Variants in BAZ1A observed in about 807,000 individuals in gnomAD.
BAZ1A encodes bromodomain adjacent to zinc finger domain protein 1A.
A neutral mutation model predicts 185.2 loss-of-function variants in BAZ1A; 50 were observed. The ratio of observed to expected loss-of-function variants is 0.27; its 90% CI spans 0.22 to 0.34. BAZ1A has a LOEUF of 0.34. Ranked by LOEUF, BAZ1A falls within the 10% of genes least tolerant of loss-of-function variation. BAZ1A has a pLI of 1.00. For synonymous variants in BAZ1A, 571 were observed against 615.6 expected (o/e 0.93, Z 1.07); for missense variants, 1,356 against 1,839.9 (o/e 0.74, Z 4.81).
At chr14:34,832,215 C>CATATATATATATATAT (rs796421959) in intron 3 of BAZ1A, among the ~76,000 whole-genome samples, 37 of 89,664 alleles carry the variant, frequency 4.1e-4, no homozygotes, top group South Asian at 2.0e-3. Context: ...CACACACACA[C>CATATATATATATATAT]ATATATATAT....
chr14:34,843,288 G>A (rs2042446543), intron 3 of BAZ1A, among the ~76,000 whole-genome samples: 1 of 152,128 alleles, frequency 6.6e-6, no homozygotes, highest in Non-Finnish European at 1.5e-5. Flanking sequence ...CATTAACTCT[G>A]GATTTACTCA....
rs144465522 is a variant in BAZ1A, at chr14:34,805,498, C to T, written c.726+1953G>A. Among the ~76,000 whole-genome samples, 169 of 152,280 alleles carry T rather than the reference C, an allele frequency of 1.1e-3. 1 individual carries two copies. Among genetic ancestry groups the T allele is most frequent in the African/African-American group, 3.9e-3 (162 of 41,544 alleles). On this transcript the variant is annotated intron_variant, in intron 6 of 26. Coordinates refer to ENST00000360310, the MANE Select transcript of BAZ1A (RefSeq NM_013448.3). ...GAGGAATTGGCCAACTGGGTGTTTACAATATACATATACAACTATTCACAT... is the reference window on the plus strand; with the variant it reads ...GAGGAATTGGCCAACTGGGTGTTTATAATATACATATACAACTATTCACAT...
At chr14:34,799,150 C>T (rs960463027) in intron 9 of BAZ1A, among the ~76,000 whole-genome samples, 6 of 146,196 alleles carry the variant, frequency 4.1e-5, no homozygotes, top group African/African-American at 7.6e-5. Flanking sequence ...AACCAAACAC[C>T]GCATGTTCTC....
chr14:34,805,497 A>C (rs1881805604), intron 6 of BAZ1A, among the ~76,000 whole-genome samples: 2 of 152,224 alleles, frequency 1.3e-5, no homozygotes, highest in South Asian at 4.1e-4. Context: ...CTGGGTGTTT[A>C]CAATATACAT....
intron 3 of BAZ1A, among the ~76,000 whole-genome samples, chr14:34,842,926 G>T (rs56996825): frequency 0.55 from 82,845 of 151,630 alleles, 22,899 homozygotes; most frequent in South Asian, 0.62. Context: ...AAGCCCTAGG[G>T]CTCATTCACA....
At chr14:34,825,700 G>T (rs901140722) in intron 4 of BAZ1A, among the ~76,000 whole-genome samples, 2 of 152,064 alleles carry the variant, frequency 1.3e-5, no homozygotes, top group Non-Finnish European at 2.9e-5. Context: ...CACTTTGAGG[G>T]GCCGAGGCAG....
rs377305927 is a variant in BAZ1A, at chr14:34,776,119, T to G, written c.2633A>C (p.His878Pro). The G allele has an allele frequency of 6.2e-7, 1 of 1,614,220 alleles. No homozygotes were observed. The highest frequency in any genetic ancestry group is 2.2e-5 in the East Asian group (1 of 44,894). ...CACTGGTTTTGGCAGCTGCACAGAA[T>G]GGTCACGTGGACCTTGGTCAATGTT... ...TSNIDQGPRD[H>P]SVQLPKPVHK... The change falls in exon 18 of 27, where the codon CAT becomes CCT. Residue 878 changes from histidine to proline, a missense_variant. By Grantham distance (77) the His-to-Pro change is moderately conservative. This residue lies in a region of BAZ1A where 434 missense variants were observed against 561.7 expected (regional missense o/e 0.77). Transcript: ENST00000360310.
chr14:34,758,455 C>T (rs999024434), intron 25 of BAZ1A: 25 of 357,716 alleles, frequency 7.0e-5, no homozygotes, highest in Non-Finnish European at 1.1e-4. Context: ...TGGTGTGTGC[C>T]TGTAATCCCA....
At chr14:34,757,083 G>A (rs911555634) in intron 25 of BAZ1A, among the ~76,000 whole-genome samples, 1 of 152,166 alleles carries the variant, frequency 6.6e-6, no homozygotes, top group Non-Finnish European at 1.5e-5. Flanking sequence ...AATCAGTCAT[G>A]GCTGGGCACG....
intron 12 of BAZ1A, among the ~76,000 whole-genome samples, chr14:34,788,046 T>A (rs530562681): frequency 6.7e-6 from 1 of 150,102 alleles, no homozygotes. Flanking sequence ...GAAGATGGAG[T>A]CTCACTCTGT....
At chr14:34,820,653 A>G (rs1435525038) in intron 4 of BAZ1A, among the ~76,000 whole-genome samples, 1 of 152,200 alleles carries the variant, frequency 6.6e-6, no homozygotes, top group East Asian at 1.9e-4. Flanking sequence ...TTATCACCAT[A>G]TCCAAGGTCA....
intron 3 of BAZ1A, among the ~76,000 whole-genome samples, chr14:34,848,253 A>G (rs143944738): frequency 2.6e-4 from 40 of 152,332 alleles, no homozygotes; most frequent in Non-Finnish European, 4.0e-4. Flanking sequence ...CTGAATAGTT[A>G]AGAGCCCTAA....
At chr14:34,862,733 T>C (rs1371713413) in intron 2 of BAZ1A, among the ~76,000 whole-genome samples, 1 of 151,626 alleles carries the variant, frequency 6.6e-6, no homozygotes, top group Non-Finnish European at 1.5e-5. Context: ...TATTTTCAGT[T>C]TGATCTCTCC....
chr14:34,765,756 C>T (rs1878797740), intron 21 of BAZ1A, among the ~76,000 whole-genome samples: 1 of 152,024 alleles, frequency 6.6e-6, no homozygotes, highest in African/African-American at 2.4e-5. Flanking sequence ...GATTTTTCAG[C>T]ACTAATATTT....
At chr14:34,870,406 T>G (rs1594921990) in intron 2 of BAZ1A, among the ~76,000 whole-genome samples, 1 of 152,326 alleles carries the variant, frequency 6.6e-6, no homozygotes, top group Non-Finnish European at 1.5e-5. Flanking sequence ...GAAAACCCCA[T>G]GCTCACCAAA....
chr14:34,815,860 GATAT>G (rs574628014), intron 4 of BAZ1A, among the ~76,000 whole-genome samples: 1 of 151,942 alleles, frequency 6.6e-6, no homozygotes, highest in Non-Finnish European at 1.5e-5. Flanking sequence ...AGGCACAGGA[GATAT>G]ATATATGTAT....
intron 3 of BAZ1A, among the ~76,000 whole-genome samples, chr14:34,831,208 TC>T (rs2042237809): frequency 6.6e-6 from 1 of 152,184 alleles, no homozygotes; most frequent in Admixed American, 6.5e-5. Context: ...ACTTTATTCT[TC>T]CCATGTTCTA....
Position 34,765,409 on chromosome 14 carries a change from T to C in BAZ1A, c.3302-141A>G, listed in dbSNP as rs189951617. ...ACTTAACAAAAAGACCATGCTGATA[T>C]TAAAAACAAAAATCTCATGGAAAAT... On this transcript the variant is annotated intron_variant, in intron 21 of 26. Coordinates refer to ENST00000360310, the MANE Select transcript of BAZ1A (RefSeq NM_013448.3). 4.0e-4 allele frequency: 419 copies of C among 1,045,686 alleles called. 6 individuals carry two copies. In the South Asian group the frequency reaches 7.0e-3, roughly 17 times the overall value. 64.8% of individuals were successfully genotyped at this position (1,045,686 alleles called of 1,614,324 possible).
At chr14:34,784,557 G>T (rs1415628448) in intron 14 of BAZ1A, among the ~76,000 whole-genome samples, 1 of 151,168 alleles carries the variant, frequency 6.6e-6, no homozygotes, top group African/African-American at 2.4e-5. Context: ...TCGCTCTGAC[G>T]CCCAGGCTGG....
Sources: allele counts gnomAD v4.1 joint callset (sites outside exome capture counted in the v4.1 genomes callset), GRCh38; gene constraint gnomAD v4.1.1; regional missense constraint gnomAD v4.1.1; transcripts MANE v1.5; gene names NCBI Gene and HGNC (gene_info 2026-07-23, HGNC 2026-07-21).